The following EYA1 variants were observed in gnomAD, a reference collection of about 807,000 sequenced individuals.
EYA1 encodes EYA transcriptional coactivator and phosphatase 1.
EYA1 carries 16 observed loss-of-function variants against 82.0 expected under a neutral mutation model. The observed-to-expected ratio is 0.20, with a 90% CI of 0.13 to 0.30. The LOEUF (loss-of-function observed/expected upper bound fraction) is 0.30. EYA1 is among the 10% of genes least tolerant of loss of function. The probability of loss-of-function intolerance (pLI) is 1.00; values close to 1 mark genes in which losing one functional copy is unlikely to be tolerated. For missense variants in EYA1, 633 were observed against 730.7 expected, an observed-to-expected ratio of 0.87 and a Z score of 1.54; for synonymous variants, 261 against 264.4, an observed-to-expected ratio of 0.99 and a Z score of 0.12.
intron 1 of EYA1, among the ~76,000 whole-genome samples, chr8:71,536,172 T>C (rs2129288552): frequency 6.6e-6 from 1 of 152,290 alleles, no homozygotes; most frequent in African/African-American, 2.4e-5. Flanking sequence ...CAAGAGCTTT[T>C]TTTCTTCTCT....
At chr8:71,448,956 T>C (rs1344897152) in intron 2 of EYA1, 1 of 165,326 alleles carries the variant, frequency 6.0e-6, no homozygotes, top group Non-Finnish European at 1.5e-5. Context: ...TTCTATCTTC[T>C]TGCCTTATGT....
rs534356476 is a variant in EYA1 at position 71,312,654 on chromosome 8, T to C, written c.556+4898A>G. On this transcript the variant is annotated intron_variant, in intron 7 of 17. Transcript: ENST00000340726. ...GGTTTTGCCATGTTGGCCAGGCTGG[T>C]CTCAAACTCCTGACCTTGGGTGATC... 5.9e-5 allele frequency among the ~76,000 whole-genome samples: 9 copies of C among 152,274 alleles called. No individual in the cohort carries two copies. In the East Asian group the frequency reaches 1.5e-3, roughly 26 times the overall value.
At chr8:71,239,940 T>G (rs1467069640) in intron 12 of EYA1, among the ~76,000 whole-genome samples, 1 of 152,222 alleles carries the variant, frequency 6.6e-6, no homozygotes, top group Non-Finnish European at 1.5e-5. Flanking sequence ...CAGTACCAAG[T>G]GCTTTACTTG....
intron 2 of EYA1, among the ~76,000 whole-genome samples, chr8:71,504,825 A>G (rs1812069102): frequency 6.6e-6 from 1 of 152,118 alleles, no homozygotes; most frequent in South Asian, 2.1e-4. Context: ...TTTTTGAGAC[A>G]CAGTCTCCCT....
chr8:71,224,760 G>A (rs921904052), intron 12 of EYA1, among the ~76,000 whole-genome samples: 1 of 152,180 alleles, frequency 6.6e-6, no homozygotes, highest in Non-Finnish European at 1.5e-5. Flanking sequence ...AAATTACACA[G>A]ATGGCCTTAC....
chr8:71,320,401 A>G (rs1186336618), intron 6 of EYA1, among the ~76,000 whole-genome samples: 1 of 152,192 alleles, frequency 6.6e-6, no homozygotes, highest in African/African-American at 2.4e-5. Context: ...TAAATCAAAG[A>G]CTGCCTTGAC....
intron 12 of EYA1, among the ~76,000 whole-genome samples, chr8:71,234,968 A>G (rs1333860118): frequency 6.6e-6 from 1 of 152,112 alleles, no homozygotes; most frequent in Non-Finnish European, 1.5e-5. Flanking sequence ...CCAGTACTCA[A>G]GGCAAAACCT....
intron 2 of EYA1, among the ~76,000 whole-genome samples, chr8:71,414,605 C>A (rs984751471): frequency 4.6e-5 from 7 of 152,116 alleles, no homozygotes; most frequent in African/African-American, 1.4e-4. Flanking sequence ...GAAAGTGGGC[C>A]AAAACAGTTT....
chr8:71,291,935 A>G (rs1393636075), intron 9 of EYA1, among the ~76,000 whole-genome samples: 1 of 152,134 alleles, frequency 6.6e-6, no homozygotes, highest in Admixed American at 6.5e-5. Flanking sequence ...AAATTATGAG[A>G]TATTCTAAGA....
At chr8:71,398,411 C>T (rs1222993524) in intron 2 of EYA1, among the ~76,000 whole-genome samples, 2 of 152,180 alleles carry the variant, frequency 1.3e-5, no homozygotes, top group Non-Finnish European at 1.5e-5. Flanking sequence ...GCTCTGGTTT[C>T]TTCCCACCTT....
chr8:71,547,458 G>T (rs1462677989), intron 1 of EYA1: 1 of 152,226 alleles, frequency 6.6e-6, no homozygotes, highest in Non-Finnish European at 1.5e-5. Flanking sequence ...TGCCGGCCAC[G>T]GCTCAAGGCC....
chr8:71,282,938 GTTT>G (rs11330984), intron 9 of EYA1, among the ~76,000 whole-genome samples: 1 of 131,428 alleles, frequency 7.6e-6, no homozygotes. Flanking sequence ...ACACCACCTT[GTTT>G]TTTTTTTTTT....
chr8:71,299,240 A>G lies in EYA1; in HGVS notation c.640-7T>C. On this transcript the variant is annotated splice_region_variant and splice_polypyrimidine_tract_variant and intron_variant, in intron 8 of 17. Transcript: ENST00000340726. ...TGGGATAAGACGGATAGTCCTACCAAATCAAACCACACAAGAATTGTCTGT... is the reference window on the plus strand; with the variant it reads ...TGGGATAAGACGGATAGTCCTACCAGATCAAACCACACAAGAATTGTCTGT... 1 of 1,613,732 alleles carries G rather than the reference A, an allele frequency of 6.2e-7. No homozygotes were observed. Among genetic ancestry groups the G allele is most frequent in the Non-Finnish European group, 8.5e-7 (1 of 1,179,650 alleles).
intron 11 of EYA1, among the ~76,000 whole-genome samples, chr8:71,266,601 C>A (rs1448123092): frequency 1.3e-5 from 2 of 152,116 alleles, no homozygotes; most frequent in African/African-American, 4.8e-5. Context: ...GTGTTCAGTA[C>A]AAGGAAGGTG....
chr8:71,278,554 A>G (rs1229361321), intron 9 of EYA1, among the ~76,000 whole-genome samples: 1 of 152,226 alleles, frequency 6.6e-6, no homozygotes, highest in Admixed American at 6.5e-5. Context: ...TAAAAATTAT[A>G]TTCCCTCTGT....
chr8:71,440,388 C>A (rs1207863953), intron 2 of EYA1, among the ~76,000 whole-genome samples: 2 of 152,098 alleles, frequency 1.3e-5, no homozygotes, highest in Non-Finnish European at 2.9e-5. Context: ...ACGACATGGG[C>A]AGGGCTGGTC....
chr8:71,481,154 A>G (rs897141395), intron 2 of EYA1, among the ~76,000 whole-genome samples: 1 of 152,200 alleles, frequency 6.6e-6, no homozygotes, highest in Non-Finnish European at 1.5e-5. Context: ...ATTTTACTCC[A>G]TTGCTTTAGA....
intron 2 of EYA1, among the ~76,000 whole-genome samples, chr8:71,463,233 G>T (rs1808499840): frequency 6.6e-6 from 1 of 152,240 alleles, no homozygotes; most frequent in Non-Finnish European, 1.5e-5. Flanking sequence ...TTAGACTAAA[G>T]GTACATGGTT....
intron 9 of EYA1, among the ~76,000 whole-genome samples, chr8:71,279,758 T>C (rs1276418729): frequency 4.6e-5 from 7 of 152,292 alleles, no homozygotes; most frequent in Admixed American, 2.0e-4. Flanking sequence ...AACTAACCCA[T>C]TGGACGGTGT....
Sources: allele counts gnomAD v4.1 joint callset (sites outside exome capture counted in the v4.1 genomes callset), GRCh38; gene constraint gnomAD v4.1.1; transcripts MANE v1.5; gene names NCBI Gene and HGNC (gene_info 2026-07-23, HGNC 2026-07-21).